PHACTR1: variants seen among roughly 807,000 people sequenced by gnomAD.
The protein encoded by PHACTR1 is RPEL repeat containing 1.
A neutral mutation model predicts 69.2 loss-of-function variants in PHACTR1; 16 were observed. That is an observed-to-expected ratio of 0.23 (90% confidence interval 0.16 to 0.35). The LOEUF (loss-of-function observed/expected upper bound fraction) is 0.35, where lower values mean the gene tolerates loss of function less well. Ranked by LOEUF, PHACTR1 falls within the 10% of genes least tolerant of loss-of-function variation. The pLI is 1.00. For missense variants in PHACTR1, 510 were observed against 734.7 expected, an observed-to-expected ratio of 0.69 and a Z score of 3.54; for synonymous variants, 312 against 284.5, an observed-to-expected ratio of 1.10 and a Z score of -0.97.
Position 13,231,417 on chromosome 6 carries a change from AAGAG to A in PHACTR1, c.1391+1229_1391+1232del, listed in dbSNP as rs113083989. On this transcript the variant is annotated intron_variant, in intron 10 of 14. Transcript: ENST00000332995. ...AAGGAAAGAGAAAGAAGGAAAGAGAAAGAGAGAGCGAAAGAGAAGGAGGGAGGGA... is the reference window on the plus strand; with the variant it reads ...AAGGAAAGAGAAAGAAGGAAAGAGAAAGAGCGAAAGAGAAGGAGGGAGGGA... 7.7e-3 allele frequency among the ~76,000 whole-genome samples: 404 copies of A among 52,304 alleles called. 48 individuals carry two copies. The highest frequency in any genetic ancestry group is 0.017 in the Middle Eastern group (2 of 118). 34.3% of individuals were successfully genotyped at this position (52,304 alleles called of 152,430 possible).
chr6:13,273,634 A>C (rs1448237275), intron 11 of PHACTR1: 1 of 152,186 alleles, frequency 6.6e-6, no homozygotes, highest in African/African-American at 2.4e-5. Flanking sequence ...ATACTAAAAG[A>C]GATCAAGCAT....
At chr6:13,002,190 A>G (rs957205204) in intron 4 of PHACTR1, among the ~76,000 whole-genome samples, 4 of 152,202 alleles carry the variant, frequency 2.6e-5, no homozygotes, top group African/African-American at 9.7e-5. Context: ...CATTTGTTTC[A>G]GCAAACAACA....
chr6:13,162,174 A>G (rs994379344), intron 6 of PHACTR1, among the ~76,000 whole-genome samples: 2 of 151,966 alleles, frequency 1.3e-5, no homozygotes, highest in African/African-American at 4.8e-5. Flanking sequence ...ATCTTAGCTC[A>G]CTGCAACCTC....
At chr6:12,884,402 A>ATTT (rs779017824) in intron 4 of PHACTR1, among the ~76,000 whole-genome samples, 1 of 142,688 alleles carries the variant, frequency 7.0e-6, no homozygotes, top group Non-Finnish European at 1.5e-5. Context: ...GGTTTACTGA[A>ATTT]TTTTTTTTTT....
chr6:12,860,849 C>A (rs1169242380), intron 4 of PHACTR1, among the ~76,000 whole-genome samples: 2 of 152,150 alleles, frequency 1.3e-5, no homozygotes, highest in African/African-American at 4.8e-5. Flanking sequence ...ACTCTTCTTC[C>A]AAGGTTATGA....
chr6:13,242,345 G>A (rs140317362), intron 10 of PHACTR1, among the ~76,000 whole-genome samples: 22 of 152,298 alleles, frequency 1.4e-4, no homozygotes, highest in African/African-American at 3.1e-4. Flanking sequence ...TTGGATGAGC[G>A]TAAAGGACCT....
chr6:13,063,830 A>T lies in PHACTR1; in HGVS notation c.415+10301A>T, dbSNP rs1393229888. Among the ~76,000 whole-genome samples the T allele has an allele frequency of 2.0e-5, 3 of 151,916 alleles. No individual in the cohort carries two copies. The East Asian group carries it at 5.8e-4, about 29-fold the overall frequency. On this transcript the variant is annotated intron_variant, in intron 5 of 14. Transcript: ENST00000332995. ...AAAGGATTGTTGGGGGAAGGGACAGAGAGTAGTGAGAGATGAGGCTGAAGA... is the reference window on the plus strand; with the variant it reads ...AAAGGATTGTTGGGGGAAGGGACAGTGAGTAGTGAGAGATGAGGCTGAAGA...
At chr6:13,208,107 A>C (rs1766207788) in intron 8 of PHACTR1, among the ~76,000 whole-genome samples, 1 of 152,212 alleles carries the variant, frequency 6.6e-6, no homozygotes, top group Non-Finnish European at 1.5e-5. Flanking sequence ...TAATAATTTA[A>C]AATGTGGCTG....
intron 3 of PHACTR1, among the ~76,000 whole-genome samples, chr6:12,743,191 A>G (rs1267314477): frequency 3.7e-5 from 2 of 54,450 alleles, no homozygotes; most frequent in East Asian, 8.8e-4. Flanking sequence ...AATTGCAGGA[A>G]AAAAAAAAAA....
intron 4 of PHACTR1, among the ~76,000 whole-genome samples, chr6:12,901,182 G>A (rs1041821874): frequency 2.0e-5 from 3 of 152,134 alleles, no homozygotes; most frequent in Non-Finnish European, 4.4e-5. Context: ...TTGGGCTACT[G>A]GAGAATAAGG....
chr6:12,852,585 T>C (rs1226250806), intron 4 of PHACTR1, among the ~76,000 whole-genome samples: 1 of 152,120 alleles, frequency 6.6e-6, no homozygotes, highest in Non-Finnish European at 1.5e-5. Flanking sequence ...ATATTTATAT[T>C]TATATTTACT....
chr6:12,970,036 A>C (rs1281643688), intron 4 of PHACTR1, among the ~76,000 whole-genome samples: 1 of 152,224 alleles, frequency 6.6e-6, no homozygotes, highest in African/African-American at 2.4e-5. Flanking sequence ...TGTCTCTAGC[A>C]TAAAATAAAT....
intron 4 of PHACTR1, among the ~76,000 whole-genome samples, chr6:12,827,010 A>C (rs1776872330): frequency 6.6e-6 from 1 of 152,122 alleles, no homozygotes; most frequent in South Asian, 2.1e-4. Flanking sequence ...ACTTGTTGCA[A>C]TTCTGTGGGA....
chr6:12,721,674 C>A (rs1049127129), intron 3 of PHACTR1, among the ~76,000 whole-genome samples: 16 of 152,162 alleles, frequency 1.1e-4, no homozygotes, highest in African/African-American at 3.9e-4. Context: ...GACCTATCAC[C>A]TTGGGAGGCT....
intron 4 of PHACTR1, among the ~76,000 whole-genome samples, chr6:12,923,938 A>G (rs939733161): frequency 2.0e-5 from 3 of 152,230 alleles, no homozygotes; most frequent in Non-Finnish European, 2.9e-5. Flanking sequence ...AAACACCACC[A>G]TAAAGGTGGA....
intron 4 of PHACTR1, among the ~76,000 whole-genome samples, chr6:12,801,778 C>T (rs1320663374): frequency 3.3e-5 from 5 of 152,126 alleles, no homozygotes; most frequent in Admixed American, 6.5e-5. Flanking sequence ...TTTAATATAG[C>T]TTTATTGAGC....
At chr6:13,055,349 G>GT (rs1331417751) in intron 5 of PHACTR1, among the ~76,000 whole-genome samples, 1 of 152,098 alleles carries the variant, frequency 6.6e-6, no homozygotes, top group Non-Finnish European at 1.5e-5. Context: ...AAACAACTGA[G>GT]TGATTTACAA....
intron 5 of PHACTR1, among the ~76,000 whole-genome samples, chr6:13,082,646 G>A (rs1684744551): frequency 6.6e-6 from 1 of 152,122 alleles, no homozygotes; most frequent in Admixed American, 6.6e-5. Context: ...CATTCTAACT[G>A]GTGTGAGATG....
At chr6:12,867,078 A>C (rs963407357) in intron 4 of PHACTR1, among the ~76,000 whole-genome samples, 2 of 152,178 alleles carry the variant, frequency 1.3e-5, no homozygotes, top group Admixed American at 6.5e-5. Context: ...TGCATCAGGC[A>C]CTGGTGAAAG....
Sources: allele counts gnomAD v4.1 joint callset (sites outside exome capture counted in the v4.1 genomes callset), GRCh38; gene constraint gnomAD v4.1.1; transcripts MANE v1.5; gene names NCBI Gene and HGNC (gene_info 2026-07-23, HGNC 2026-07-21).